VPS53: variants seen among roughly 807,000 people sequenced by gnomAD.
VPS53 encodes the protein vacuolar protein sorting-associated protein 53 homolog.
In VPS53, 70 loss-of-function variants were observed where a neutral mutation model predicts 107.0. The observed-to-expected ratio is 0.65, with a 90% CI of 0.54 to 0.80. The LOEUF is 0.80. VPS53 is among the 30% of genes least tolerant of loss of function. The probability of loss-of-function intolerance (pLI) is 0.00; values close to 1 mark genes in which losing one functional copy is unlikely to be tolerated. For missense variants in VPS53, 917 were observed against 1,049.4 expected (o/e 0.87, Z 1.74); for synonymous variants, 409 against 393.3 (o/e 1.04, Z -0.47).
intron 11 of VPS53, among the ~76,000 whole-genome samples, chr17:605,215 T>C (rs751395480): frequency 6.6e-6 from 1 of 151,954 alleles, no homozygotes; most frequent in Non-Finnish European, 1.5e-5. Context: ...GGGATGCAAG[T>C]GAGGAAGATG....
At chr17:619,670 A>G (rs1226015732) in intron 11 of VPS53, among the ~76,000 whole-genome samples, 182 of 54,346 alleles carry the variant, frequency 3.3e-3, no homozygotes, top group African/African-American at 0.012. Flanking sequence ...ACAGGCGTGC[A>G]CCACCACACC....
At chr17:558,684 C>T (rs1203338158) in intron 15 of VPS53, among the ~76,000 whole-genome samples, 2 of 149,026 alleles carry the variant, frequency 1.3e-5, no homozygotes. Context: ...GGGATGCTTG[C>T]TAAATAAGTT....
At chr17:521,884 A>G (rs1908788280) in intron 19 of VPS53, 146 bp from the exon 20 acceptor site, 2 of 972,950 alleles carry the variant, frequency 2.1e-6, no homozygotes, top group East Asian at 6.1e-5. Flanking sequence ...AATATAAAAG[A>G]AAAAAATTAT....
chr17:586,598 A>G (rs1203075897), intron 12 of VPS53, among the ~76,000 whole-genome samples: 1 of 152,216 alleles, frequency 6.6e-6, no homozygotes, highest in African/African-American at 2.4e-5. Flanking sequence ...TGGATAACAT[A>G]TGTGTTTTGA....
intron 7 of VPS53, among the ~76,000 whole-genome samples, chr17:639,228 G>A (rs1224447316): frequency 1.3e-5 from 2 of 152,106 alleles, no homozygotes; most frequent in African/African-American, 4.8e-5. Flanking sequence ...AAGCTTGTGC[G>A]CTCGTCAGGT....
At chr17:621,499 G>A (rs951691824) in intron 11 of VPS53, among the ~76,000 whole-genome samples, 1 of 152,100 alleles carries the variant, frequency 6.6e-6, no homozygotes, top group Non-Finnish European at 1.5e-5. Flanking sequence ...TGAAAGTTCT[G>A]ATAATGACAA....
intron 7 of VPS53, 83 bp downstream of exon 7, chr17:653,208 T>C: frequency 1.3e-6 from 2 of 1,567,682 alleles, no homozygotes; most frequent in Non-Finnish European, 8.6e-7. Context: ...CCCCATATAC[T>C]TTCCCTCTGG....
intron 15 of VPS53, among the ~76,000 whole-genome samples, chr17:555,631 G>A (rs1291203539): frequency 2.6e-5 from 4 of 152,136 alleles, no homozygotes; most frequent in Non-Finnish European, 2.9e-5. Context: ...CCCTGCACTC[G>A]GCCAGAGTAT....
intron 7 of VPS53, among the ~76,000 whole-genome samples, chr17:637,836 A>C (rs548647127): frequency 1.4e-4 from 22 of 152,308 alleles, no homozygotes; most frequent in African/African-American, 5.1e-4. Context: ...TTTACTTCCA[A>C]CTATGTGATC....
chr17:553,510 G>A (rs554513513), intron 15 of VPS53, 48 bp from the exon 16 acceptor site: 1 of 1,368,654 alleles, frequency 7.3e-7, no homozygotes, highest in Non-Finnish European at 1.0e-6. Flanking sequence ...ATTATCCAAA[G>A]AAGTACCATC....
intron 17 of VPS53, among the ~76,000 whole-genome samples, chr17:550,087 T>C (rs1162906114): frequency 6.6e-6 from 1 of 152,222 alleles, no homozygotes. Flanking sequence ...ACTATGTGCC[T>C]GGCACTAGAC....
intron 7 of VPS53, among the ~76,000 whole-genome samples, chr17:638,174 CTTCT>C (rs772177365): frequency 2.3e-3 from 356 of 152,112 alleles, no homozygotes; most frequent in Middle Eastern, 3.4e-3. Context: ...AAGTAATGGC[CTTCT>C]TTGTCTCTTT....
At chr17:651,398 T>C (rs922963392) in intron 7 of VPS53, among the ~76,000 whole-genome samples, 4 of 152,228 alleles carry the variant, frequency 2.6e-5, no homozygotes, top group African/African-American at 9.6e-5. Context: ...AGACCAGCCC[T>C]GGGCCACAGA....
At chr17:613,480 TCA>T (rs1968991106) in intron 11 of VPS53, among the ~76,000 whole-genome samples, 1 of 152,076 alleles carries the variant, frequency 6.6e-6, no homozygotes, top group Non-Finnish European at 1.5e-5. Context: ...GTACAAATAT[TCA>T]CATAGTGAGT....
intron 13 of VPS53, among the ~76,000 whole-genome samples, chr17:577,565 C>G (rs1017819964): frequency 7.3e-5 from 11 of 151,326 alleles, no homozygotes; most frequent in African/African-American, 2.2e-4. Context: ...AATACGTTCG[C>G]AGAGAAACTC....
intron 7 of VPS53, among the ~76,000 whole-genome samples, chr17:639,753 G>C (rs1003941448): frequency 1.3e-5 from 2 of 152,210 alleles, no homozygotes; most frequent in African/African-American, 2.4e-5. Flanking sequence ...AGCCAATGTT[G>C]CTGCCTGACT....
At chr17:678,777 T>A (rs1369286419) in intron 4 of VPS53, among the ~76,000 whole-genome samples, 2 of 152,054 alleles carry the variant, frequency 1.3e-5, no homozygotes, top group African/African-American at 4.8e-5. Flanking sequence ...TAGCTGGGAC[T>A]ACAGGCGCCC....
At chr17:664,681 A>AGGAGGGAAAGCG (rs1270081335) in intron 4 of VPS53, among the ~76,000 whole-genome samples, 12 of 152,200 alleles carry the variant, frequency 7.9e-5, no homozygotes, top group African/African-American at 2.9e-4. Flanking sequence ...GTGCAGGGGC[A>AGGAGGGAAAGCG]GGAGGGAAAG....
chr17:567,135 G>C (rs1255459992), intron 13 of VPS53, among the ~76,000 whole-genome samples: 1 of 152,154 alleles, frequency 6.6e-6, no homozygotes, highest in East Asian at 1.9e-4. Context: ...CTAGAAGATG[G>C]ATACTTACTT....
Sources: gnomAD v4.1 joint callset for allele counts (sites outside exome capture counted in the v4.1 genomes callset) on GRCh38, gnomAD v4.1.1 for gene constraint, MANE v1.5 for transcripts, NCBI Gene and HGNC (gene_info 2026-07-23, HGNC 2026-07-21) for gene names.